PCDHA5: variants seen among roughly 807,000 people sequenced by gnomAD.
PCDHA5 encodes protocadherin alpha-5.
Under a neutral mutation model 61.6 loss-of-function variants are expected in PCDHA5, and 43 were observed. That is an observed-to-expected ratio of 0.70 (90% CI 0.55 to 0.90). The LOEUF (loss-of-function observed/expected upper bound fraction) is 0.90. PCDHA5 is among the 40% of genes least tolerant of loss of function. The pLI, the probability that PCDHA5 is intolerant of heterozygous loss-of-function variation, is 0.00. For synonymous variants in PCDHA5, 627 were observed against 543.9 expected, an observed-to-expected ratio of 1.15 and a Z score of -2.13; for missense variants, 1,298 against 1,222.7, an observed-to-expected ratio of 1.06 and a Z score of -0.92.
At chr5:140,925,833 CG>C (rs2082756406) in intron 1 of PCDHA5, among the ~76,000 whole-genome samples, 1 of 152,070 alleles carries the variant, frequency 6.6e-6, no homozygotes, top group Admixed American at 6.5e-5. Flanking sequence ...GGGGACGGGT[CG>C]TCAAGTCTTT....
At chr5:140,976,369 G>A (rs1464114589) in intron 1 of PCDHA5, among the ~76,000 whole-genome samples, 1 of 151,996 alleles carries the variant, frequency 6.6e-6, no homozygotes, top group Non-Finnish European at 1.5e-5. Flanking sequence ...TGGCCAACAT[G>A]GTGAAACCCC....
intron 1 of PCDHA5, chr5:140,875,217 C>G (rs1554167556): frequency 2.7e-6 from 2 of 734,894 alleles, no homozygotes; most frequent in African/African-American, 3.5e-5. Flanking sequence ...CCGAAAAGAA[C>G]CTCAGGATCT....
At chr5:140,895,036 A>T (rs1207978693) in intron 1 of PCDHA5, among the ~76,000 whole-genome samples, 1 of 151,998 alleles carries the variant, frequency 6.6e-6, no homozygotes, top group Non-Finnish European at 1.5e-5. Flanking sequence ...ATTGTCCCCC[A>T]CCCACACCAT....
intron 1 of PCDHA5, among the ~76,000 whole-genome samples, chr5:140,879,438 A>C (rs2057989809): frequency 6.6e-6 from 1 of 152,214 alleles, no homozygotes; most frequent in South Asian, 2.1e-4. Context: ...ACATTTAAGA[A>C]AATGTTACTT....
intron 1 of PCDHA5, chr5:140,854,737 A>T (rs2043210768): frequency 6.7e-6 from 1 of 149,840 alleles, no homozygotes. Flanking sequence ...TTTTTTCAGC[A>T]GCACAGATAT....
At chr5:140,932,349 C>A (rs2088248613) in intron 1 of PCDHA5, among the ~76,000 whole-genome samples, 1 of 151,900 alleles carries the variant, frequency 6.6e-6, no homozygotes, top group Admixed American at 6.6e-5. Flanking sequence ...ACTTACCATA[C>A]AACTGGCCTT....
At chr5:140,883,128 C>G (rs782352091) in intron 1 of PCDHA5, 1 of 1,614,060 alleles carries the variant, frequency 6.2e-7, no homozygotes, top group Non-Finnish European at 8.5e-7. Flanking sequence ...CCTGTATGGC[C>G]TGCAGTGGTA....
chr5:140,971,547 C>T (rs904044424), intron 1 of PCDHA5, among the ~76,000 whole-genome samples: 3 of 152,074 alleles, frequency 2.0e-5, no homozygotes, highest in Non-Finnish European at 4.4e-5. Flanking sequence ...GCCAGATCAA[C>T]CTGTTAAATT....
intron 1 of PCDHA5, among the ~76,000 whole-genome samples, chr5:140,872,848 A>T: frequency 1.3e-5 from 2 of 152,332 alleles, no homozygotes; most frequent in African/African-American, 4.8e-5. Context: ...AAATATATTA[A>T]TGTGAGTACC....
rs1202247543 is a variant in PCDHA5, at chr5:140,858,682, T to A, written c.2352+34555T>A. On this transcript the variant is annotated intron_variant, in intron 1 of 3. Coordinates refer to ENST00000529859, the MANE Select transcript of PCDHA5 (RefSeq NM_018908.3). Reference sequence around the variant, plus strand: ...AAATAACAATTTATTCTGAATACACTAATATTTTCCAATACAAATATGTGA... The same window carrying A: ...AAATAACAATTTATTCTGAATACACAAATATTTTCCAATACAAATATGTGA... 35 of 617,258 alleles carry A rather than the reference T, an allele frequency of 5.7e-5. 1 individual carries two copies. The East Asian group carries it at 9.7e-4, about 17-fold the overall frequency. 38.2% of individuals were successfully genotyped at this position (617,258 alleles called of 1,614,324 possible).
rs374326542 is a variant in PCDHA5, at chr5:140,927,218, A to G, written c.2353-51731A>G. The G allele has an allele frequency of 2.5e-6, 4 of 1,613,972 alleles. No individual in the cohort carries two copies. The African/African-American group carries it at 5.3e-5, about 22-fold the overall frequency. On this transcript the variant is annotated intron_variant, in intron 1 of 3. Coordinates refer to ENST00000529859, the MANE Select transcript of PCDHA5 (RefSeq NM_018908.3). ...CTCGAGGACCCGCTGGAGCTGCACA[A>G]GATTCGGATTCACGTCCTGGACACC...
At chr5:140,978,240 C>T (rs1290697340) in intron 1 of PCDHA5, among the ~76,000 whole-genome samples, 3 of 152,174 alleles carry the variant, frequency 2.0e-5, no homozygotes, top group African/African-American at 7.2e-5. Context: ...TGGATTTCAG[C>T]TACTCCCTGT....
chr5:140,870,100 T>C (rs1554163812), intron 1 of PCDHA5: 2 of 1,613,914 alleles, frequency 1.2e-6, no homozygotes, highest in Admixed American at 3.3e-5. Context: ...GGCAGGTCAC[T>C]GTACAGTCTG....
rs184817309 is a variant in PCDHA5, at chr5:140,876,910, T to G, written c.2352+52783T>G. On this transcript the variant is annotated intron_variant, in intron 1 of 3. Coordinates refer to ENST00000529859, the MANE Select transcript of PCDHA5 (RefSeq NM_018908.3). The stretch of plus-strand genomic sequence containing the variant: ...CTGCCACATCTTCACGGTGTCGGCA[T>G]GGGACGCGGACGCGCAGAAGAACGC... 1.1e-5 allele frequency: 18 copies of G among 1,613,860 alleles called. No homozygotes were observed. The South Asian group carries it at 1.4e-4, about 13-fold the overall frequency.
rs2150412842 is a variant in PCDHA5 at position 140,848,560 on chromosome 5, C to A, written c.2352+24433C>A. 2.5e-6 allele frequency: 4 copies of A among 1,595,490 alleles called. No homozygotes were observed. The highest frequency in any genetic ancestry group is 3.4e-5 in the Admixed American group (2 of 59,252). On this transcript the variant is annotated intron_variant, in intron 1 of 3. Coordinates refer to ENST00000529859, the MANE Select transcript of PCDHA5 (RefSeq NM_018908.3). ...CTACTGCTCTCGCTTCTGATCCTCG[C>A]AATGTGGGTGGTGGGGAGCGGCCAG...
At chr5:140,928,592 T>A in intron 1 of PCDHA5, 1 of 1,614,178 alleles carries the variant, frequency 6.2e-7, no homozygotes, top group Non-Finnish European at 8.5e-7. Flanking sequence ...TCTGTCCCAG[T>A]GGAAATTGTG....
rs1443126988 is a variant in PCDHA5 at position 140,960,088 on chromosome 5, A to G, written c.2353-18861A>G. Among the ~76,000 whole-genome samples, 6 of 152,248 alleles carry G rather than the reference A, an allele frequency of 3.9e-5. No homozygotes were observed. The East Asian group carries it at 5.8e-4, about 15-fold the overall frequency. ...TTCAATTGAAGTTTCTAAAAGAGAA[A>G]GAAACTTGTAGTTGTGGGAACAATA... On this transcript the variant is annotated intron_variant, in intron 1 of 3. Coordinates refer to ENST00000529859, the MANE Select transcript of PCDHA5 (RefSeq NM_018908.3).
In PCDHA5 at chr5:140,822,613, T is replaced by C. The variant is rs2150117773; in HGVS notation, c.838T>C (p.Phe280Leu). The change falls in exon 1 of 4, where the codon TTT (phenylalanine) becomes CTT (leucine). Residue 280 changes from phenylalanine (F) to leucine (L), a missense_variant. By Grantham distance (22) the Phe-to-Leu change is conservative (BLOSUM62 0). Coordinates refer to ENST00000529859, the MANE Select transcript of PCDHA5 (RefSeq NM_018908.3). ...CATCAATAAGGAAATAGTGTATTTCTTTAGTAATCTTGTTCTTGACGATGT... is the reference window on the plus strand; with the variant it reads ...CATCAATAAGGAAATAGTGTATTTCCTTAGTAATCTTGTTCTTGACGATGT... ...EGINKEIVYF[F>L]SNLVLDDVKS... 7.5e-6 allele frequency: 12 copies of C among 1,609,036 alleles called. No individual in the cohort carries two copies. In the East Asian group the frequency reaches 2.7e-4, roughly 36 times the overall value.
At chr5:140,848,462 T>C in intron 1 of PCDHA5, 1 of 1,542,130 alleles carries the variant, frequency 6.5e-7, no homozygotes, top group Non-Finnish European at 8.8e-7. Flanking sequence ...TTGGAGGCAA[T>C]TTTCACTAAT....
Sources: gnomAD v4.1 joint callset for allele counts (sites outside exome capture counted in the v4.1 genomes callset) on GRCh38, gnomAD v4.1.1 for gene constraint, MANE v1.5 for transcripts, NCBI Gene and HGNC (gene_info 2026-07-23, HGNC 2026-07-21) for gene names.